Variants in XCL1 observed in about 807,000 individuals in gnomAD.
The protein encoded by XCL1 is lymphotactin.
Under a neutral mutation model 7.4 loss-of-function variants are expected in XCL1, and 6 were observed. That is an observed-to-expected ratio of 0.82 (90% confidence interval 0.45 to 1.61). XCL1 has a LOEUF of 1.61. Ranked by LOEUF, XCL1 falls within the 40% of genes most tolerant of loss-of-function variation. The probability of loss-of-function intolerance (pLI) is 0.01; values close to 1 mark genes in which losing one functional copy is unlikely to be tolerated. For missense variants in XCL1, 122 were observed against 138.2 expected (o/e 0.88, Z 0.59); for synonymous variants, 48 against 52.4 (o/e 0.92, Z 0.36).
At chr1:168,580,723 A>AT (rs1275681498) in intron 2 of XCL1, among the ~76,000 whole-genome samples, 1 of 152,200 alleles carries the variant, frequency 6.6e-6, no homozygotes, top group Non-Finnish European at 1.5e-5. Context: ...TAAGATGAAT[A>AT]TTTTTAAATT....
chr1:168,580,020 T>C (rs898777131), intron 1 of XCL1, 43 bp from the exon 2 acceptor site: 34 of 1,578,402 alleles, frequency 2.2e-5, no homozygotes, highest in Non-Finnish European at 2.5e-5. Context: ...ATCTGGATAA[T>C]TGCTTTATTT....
chr1:168,581,178 A>C lies in XCL1; in HGVS notation c.303A>C (p.Gly101=), dbSNP rs189945217. Residue 101 remains glycine (G), a synonymous_variant, in exon 3 of 3, where the codon GGA becomes GGC. Transcript: ENST00000367818. ...ACATGATCCAGACCAAGCCAACAGG[A>C]ACCCAGCAATCGACCAATACAGCTG... is the stretch of plus-strand genomic sequence containing the variant. ...RNNMIQTKPT[G]TQQSTNTAVT... 5.6e-6 allele frequency: 9 copies of C among 1,613,820 alleles called. No individual in the cohort carries two copies. The African/African-American group carries it at 1.1e-4, about 19-fold the overall frequency.
chr1:168,578,931 A>G, intron 1 of XCL1: 1 of 368,764 alleles, frequency 2.7e-6, no homozygotes, highest in Admixed American at 3.6e-5. Flanking sequence ...GACAGACAGA[A>G]AGTTAACCAG....
intron 1 of XCL1, among the ~76,000 whole-genome samples, chr1:168,577,670 CAA>C (rs112612322): frequency 1.3e-5 from 2 of 151,978 alleles, no homozygotes; most frequent in East Asian, 3.9e-4. Context: ...ATGGATAAAA[CAA>C]AAAAATACTG....
chr1:168,578,011 A>G (rs1006727086), intron 1 of XCL1, among the ~76,000 whole-genome samples: 2 of 152,234 alleles, frequency 1.3e-5, no homozygotes, highest in Admixed American at 6.5e-5. Context: ...AATAAGGAAA[A>G]GGCTTTGTGG....
intron 1 of XCL1, chr1:168,579,004 G>A: frequency 4.8e-6 from 2 of 412,602 alleles, no homozygotes; most frequent in Non-Finnish European, 4.8e-6. Context: ...GCAAGGTGGT[G>A]ATAGTGTTAA....
chr1:168,581,150 A>G lies in XCL1; in HGVS notation c.275A>G (p.Asn92Ser), dbSNP rs150383841. 6.2e-7 allele frequency: 1 copy of G among 1,613,878 alleles called. No individual in the cohort carries two copies. The highest frequency in any genetic ancestry group is 2.2e-5 in the East Asian group (1 of 44,882). ...ATGGACAGGAAATCCAACACCAGAA[A>G]TAACATGATCCAGACCAAGCCAACA... ...RSMDRKSNTR[N>S]NMIQTKPTGT... Residue 92 changes from asparagine (N) to serine (S), a missense_variant, in exon 3 of 3, where the codon AAT becomes AGT. Physicochemically the swap from Asn to Ser is conservative, Grantham distance 46 (BLOSUM62 1). Transcript: ENST00000367818.
chr1:168,580,039 C>T lies in XCL1; in HGVS notation c.62-24C>T, dbSNP rs188485878. On this transcript the variant is annotated intron_variant, in intron 1 of 2. Coordinates refer to ENST00000367818, the MANE Select transcript of XCL1 (RefSeq NM_002995.3). Reference sequence around the variant, plus strand: ...GGATAATTGCTTTATTTTTAATTGTCTGTTGTTTTTTTTTCCTCACCAGGT... The same window carrying T: ...GGATAATTGCTTTATTTTTAATTGTTTGTTGTTTTTTTTTCCTCACCAGGT... 466 of 1,596,098 alleles carry T rather than the reference C, an allele frequency of 2.9e-4. No individual in the cohort carries two copies. In the African/African-American group the frequency reaches 5.4e-3, roughly 18 times the overall value.
Position 168,581,045 on chromosome 1 carries a change from G to C in XCL1, c.177-7G>C. 1 of 1,613,096 alleles carries C rather than the reference G, an allele frequency of 6.2e-7. No individual in the cohort carries two copies. The highest frequency in any genetic ancestry group is 8.5e-7 in the Non-Finnish European group (1 of 1,179,264). On this transcript the variant is annotated splice_polypyrimidine_tract_variant and splice_region_variant and intron_variant, in intron 2 of 2. Coordinates refer to ENST00000367818, the MANE Select transcript of XCL1 (RefSeq NM_002995.3). The stretch of plus-strand genomic sequence containing the variant: ...CTAACTTCGTCTGTCTTTTCCTTGC[G>C]TTACAGTTTTATTACCAAACGTGGC...
At position 168,580,154 on chromosome 1, in the gene XCL1, G is replaced by A. The variant is rs140954193; in HGVS notation, c.153G>A (p.Thr51=). ...PVSRIKTYTI[T]EGSLRAVIFI... is the part of the protein sequence containing the mutation. ...GCAGAATCAAGACCTACACCATCAC[G>A]GAAGGCTCCTTGAGAGCAGTAATGT... The change falls in exon 2 of 3, where the codon ACG becomes ACA. Residue 51 remains threonine (T), a synonymous_variant. Coordinates refer to ENST00000367818, the MANE Select transcript of XCL1 (RefSeq NM_002995.3). 192 of 1,613,830 alleles carry A rather than the reference G, an allele frequency of 1.2e-4. No homozygotes were observed. In the African/African-American group the frequency reaches 1.7e-3, roughly 15 times the overall value.
rs1381626150 is a variant in XCL1, at chr1:168,581,246, C to A, written c.*26C>A. The A allele has an allele frequency of 1.2e-6, 2 of 1,610,090 alleles. No individual in the cohort carries two copies. The highest frequency in any genetic ancestry group is 3.3e-5 in the Admixed American group (2 of 59,908). On this transcript the variant is annotated 3_prime_UTR_variant, in exon 3 of 3. Transcript: ENST00000367818. ...TAGTCTCTGGCACCCTGTCCGTCTC[C>A]AGCCAGCCAGCTCATTTCACTTTAC... is the stretch of plus-strand genomic sequence containing the variant.
intron 2 of XCL1, among the ~76,000 whole-genome samples, chr1:168,580,474 G>A (rs562055330): frequency 6.6e-6 from 1 of 152,294 alleles, no homozygotes; most frequent in South Asian, 2.1e-4. Context: ...GAGATGACTG[G>A]CCCATGTCAG....
intron 1 of XCL1, 126 bp downstream of exon 1, chr1:168,576,824 T>G: frequency 7.9e-7 from 1 of 1,270,442 alleles, no homozygotes; most frequent in Non-Finnish European, 1.1e-6. Flanking sequence ...AAACTTCCCA[T>G]GTGCAAGAAA....
At position 168,580,145 on chromosome 1, in the gene XCL1, C is replaced by T; in HGVS notation, c.144C>T (p.Tyr48=). ...TGCCGGTTAGCAGAATCAAGACCTA[C>T]ACCATCACGGAAGGCTCCTTGAGAG... The part of the protein sequence containing the change: ...QRLPVSRIKT[Y]TITEGSLRAV... The change falls in exon 2 of 3, where the codon TAC becomes TAT. Residue 48 remains tyrosine (Y), a synonymous_variant. Coordinates refer to ENST00000367818, the MANE Select transcript of XCL1 (RefSeq NM_002995.3). 6.2e-7 allele frequency: 1 copy of T among 1,613,928 alleles called. No homozygotes were observed. The highest frequency in any genetic ancestry group is 8.5e-7 in the Non-Finnish European group (1 of 1,179,878).
At position 168,581,668 on chromosome 1, in the gene XCL1, G is replaced by C. The variant is rs1410166557; in HGVS notation, c.*448G>C. The C allele has an allele frequency of 3.3e-5, 5 of 152,378 alleles. No homozygotes were observed. Among genetic ancestry groups the C allele is most frequent in the African/African-American group, 1.2e-4 (5 of 41,448 alleles). The allele number at this position is 152,378 out of a possible 1,614,324, so 9.4% of individuals were successfully genotyped here. On this transcript the variant is annotated 3_prime_UTR_variant, in exon 3 of 3. Transcript: ENST00000367818. The stretch of plus-strand genomic sequence containing the variant: ...TCTCTATAATAGAATTCTGTTTATA[G>C]AATAAGGGAGAAAATAATCCAGTCT...
chr1:168,578,886 T>A (rs1265732135), intron 1 of XCL1: 11 of 388,116 alleles, frequency 2.8e-5, no homozygotes, highest in South Asian at 2.3e-4. Flanking sequence ...TACCCCTTGA[T>A]AATGCATTAA....
chr1:168,578,802 T>C, intron 1 of XCL1: 3 of 460,386 alleles, frequency 6.5e-6, no homozygotes, highest in Non-Finnish European at 1.3e-5. Flanking sequence ...CAAAGCTCCT[T>C]TGTCTTCCTG....
chr1:168,578,763 T>C, intron 1 of XCL1: 1 of 460,628 alleles, frequency 2.2e-6, no homozygotes, highest in Non-Finnish European at 4.2e-6. Flanking sequence ...GTCATTGTAA[T>C]TTGTCCTGAT....
In XCL1 at chr1:168,581,225, C is replaced by T. The variant is rs755486413; in HGVS notation, c.*5C>T. ...GCTGTGACTCTGACTGGCTAGTAGT[C>T]TCTGGCACCCTGTCCGTCTCCAGCC... On this transcript the variant is annotated 3_prime_UTR_variant, in exon 3 of 3. Transcript: ENST00000367818. 2 of 1,612,446 alleles carry T rather than the reference C, an allele frequency of 1.2e-6. No homozygotes were observed. The highest frequency in any genetic ancestry group is 1.7e-6 in the Non-Finnish European group (2 of 1,178,730).
Sources: gnomAD v4.1 joint callset for allele counts (sites outside exome capture counted in the v4.1 genomes callset) on GRCh38, gnomAD v4.1.1 for gene constraint, MANE v1.5 for transcripts, NCBI Gene and HGNC (gene_info 2026-07-23, HGNC 2026-07-21) for gene names.